NOL10: variants seen among roughly 807,000 people sequenced by gnomAD.
NOL10 encodes H_NH0074G24.1.
In NOL10, 58 loss-of-function variants were observed where a neutral mutation model predicts 103.5. The ratio of observed to expected loss-of-function variants is 0.56; its 90% CI spans 0.45 to 0.70. The LOEUF is 0.70. Ranked by LOEUF, NOL10 falls within the 30% of genes least tolerant of loss-of-function variation. The pLI is 0.00. For synonymous variants in NOL10, 287 were observed against 282.5 expected (o/e 1.02, Z -0.16); for missense variants, 763 against 807.3 (o/e 0.95, Z 0.67).
intron 19 of NOL10, among the ~76,000 whole-genome samples, chr2:10,584,666 C>T (rs1190417211): frequency 6.6e-6 from 1 of 152,156 alleles, no homozygotes; most frequent in Non-Finnish European, 1.5e-5. Context: ...TCACCAAATA[C>T]TCATGTAAAT....
At chr2:10,632,087 A>C (rs1466205412) in intron 13 of NOL10, among the ~76,000 whole-genome samples, 3 of 152,212 alleles carry the variant, frequency 2.0e-5, no homozygotes, top group African/African-American at 7.2e-5. Context: ...CAAAGTACAC[A>C]ACCATTATCA....
chr2:10,670,517 C>G (rs1168508117), intron 6 of NOL10, among the ~76,000 whole-genome samples: 1 of 152,042 alleles, frequency 6.6e-6, no homozygotes, highest in African/African-American at 2.4e-5. Flanking sequence ...GGTGGATCAC[C>G]TGAGGTCAGG....
chr2:10,616,600 G>A (rs1432704887), intron 13 of NOL10, among the ~76,000 whole-genome samples: 1 of 151,444 alleles, frequency 6.6e-6, no homozygotes, highest in Non-Finnish European at 1.5e-5. Context: ...CCAGACTAGA[G>A]TGCAGTGGTG....
At chr2:10,665,967 T>C (rs949620457) in intron 8 of NOL10, among the ~76,000 whole-genome samples, 2 of 152,198 alleles carry the variant, frequency 1.3e-5, no homozygotes, top group Admixed American at 1.3e-4. Context: ...AGGTTTGCAG[T>C]GTGACTGATC....
At position 10,671,587 on chromosome 2, in the gene NOL10, T is replaced by A. The variant is rs142968524; in HGVS notation, c.431A>T (p.Tyr144Phe). 3.8e-5 allele frequency: 61 copies of A among 1,605,862 alleles called. No individual in the cohort carries two copies. The highest frequency in any genetic ancestry group is 4.8e-5 in the Non-Finnish European group (57 of 1,176,114). The part of the protein sequence containing the change: ...PKFGRDFSYH[Y>F]PSCDLYFVGA... ...AACAAAGTACAAGTCACAGGATGGA[T>A]AGTGGTAAGAGAAATCTCTCCCAAA... The change falls in exon 6 of 21, where the codon TAT becomes TTT. Residue 144 changes from tyrosine to phenylalanine, a missense_variant. By Grantham distance (22) the Tyr-to-Phe change is conservative. Coordinates refer to ENST00000381685, the MANE Select transcript of NOL10 (RefSeq NM_024894.4).
In NOL10 at chr2:10,657,876, G is replaced by T; in HGVS notation, c.772C>A (p.Leu258Ile). 1 of 1,532,036 alleles carries T rather than the reference G, an allele frequency of 6.5e-7. No individual in the cohort carries two copies. The highest frequency in any genetic ancestry group is 8.8e-7 in the Non-Finnish European group (1 of 1,140,156). 94.9% of individuals were successfully genotyped at this position (1,532,036 alleles called of 1,614,324 possible). ...TTTGQVLLYD[L>I]RSDKPLLVKD... ...ACTAGCAATGGCTTATCAGATCGAA[G>T]GTCATATAATAAAACCTGAAAAAAA... The change falls in exon 11 of 21, where the codon CTT becomes ATT. Residue 258 changes from leucine to isoleucine, a missense_variant. Transcript: ENST00000381685.
intron 19 of NOL10, among the ~76,000 whole-genome samples, chr2:10,587,142 T>TATATACAC (rs1675113939): frequency 2.5e-5 from 1 of 40,340 alleles, no homozygotes; most frequent in African/African-American, 1.2e-4. Context: ...TATATACACA[T>TATATACAC]ATATATACAT....
intron 19 of NOL10, among the ~76,000 whole-genome samples, chr2:10,580,857 G>A (rs1360960421): frequency 6.6e-6 from 1 of 152,020 alleles, no homozygotes; most frequent in Non-Finnish European, 1.5e-5. Context: ...ATGTGCTTCA[G>A]GACAAAATTG....
intron 13 of NOL10, among the ~76,000 whole-genome samples, chr2:10,628,870 C>T (rs574595276): frequency 3.9e-5 from 6 of 152,264 alleles, no homozygotes; most frequent in African/African-American, 1.4e-4. Context: ...TCAATTCTCC[C>T]AACAACGATC....
rs1373823531 is a variant in NOL10 at position 10,657,872 on chromosome 2, C to G, written c.776G>C (p.Arg259Pro). ...TTGQVLLYDLRSDKPLLVKDH... is the reference protein window; with the variant it reads ...TTGQVLLYDLPSDKPLLVKDH... Reference sequence around the variant, plus strand: ...TTTAACTAGCAATGGCTTATCAGATCGAAGGTCATATAATAAAACCTGAAA... The same window carrying G: ...TTTAACTAGCAATGGCTTATCAGATGGAAGGTCATATAATAAAACCTGAAA... The change falls in exon 11 of 21, where the codon CGA becomes CCA. Residue 259 changes from arginine (R) to proline (P), a missense_variant. Arg to Pro is a moderately radical substitution (Grantham distance 103). Coordinates refer to ENST00000381685, the MANE Select transcript of NOL10 (RefSeq NM_024894.4). 1.3e-6 allele frequency: 2 copies of G among 1,536,394 alleles called. No individual in the cohort carries two copies. Among genetic ancestry groups the G allele is most frequent in the Admixed American group, 2.1e-5 (1 of 47,826 alleles).
At chr2:10,660,618 C>G (rs1289338758) in intron 9 of NOL10, among the ~76,000 whole-genome samples, 1 of 151,926 alleles carries the variant, frequency 6.6e-6, no homozygotes, top group Admixed American at 6.6e-5. Flanking sequence ...ACACCTGGCC[C>G]ATATATGTTC....
chr2:10,593,419 G>C (rs10183883), intron 17 of NOL10, among the ~76,000 whole-genome samples: 52,018 of 151,734 alleles, frequency 0.34, 9,283 homozygotes, highest in Non-Finnish European at 0.4. Flanking sequence ...TTACAGGCGT[G>C]AGCCACTGCA....
intron 13 of NOL10, among the ~76,000 whole-genome samples, chr2:10,637,457 C>T (rs1175637772): frequency 1.3e-5 from 2 of 152,304 alleles, no homozygotes; most frequent in African/African-American, 4.8e-5. Context: ...GCCATCTTTA[C>T]AGGTGCAGGA....
intron 4 of NOL10, among the ~76,000 whole-genome samples, 192 bp from the exon 5 acceptor site, chr2:10,673,749 T>C (rs539825795): frequency 6.6e-6 from 1 of 152,294 alleles, no homozygotes; most frequent in Non-Finnish European, 1.5e-5. Flanking sequence ...AAAAGCCTCA[T>C]AATTTCTCAA....
chr2:10,658,229 AC>A (rs1469329260), intron 10 of NOL10, among the ~76,000 whole-genome samples: 1 of 152,242 alleles, frequency 6.6e-6, no homozygotes, highest in Non-Finnish European at 1.5e-5. Context: ...ACAGATATAA[AC>A]AAAAATGAAA....
At chr2:10,684,774 A>G (rs993955238) in intron 1 of NOL10, among the ~76,000 whole-genome samples, 162 bp from the exon 2 acceptor site, 1 of 152,266 alleles carries the variant, frequency 6.6e-6, no homozygotes, top group African/African-American at 2.4e-5. Flanking sequence ...CTCGTAACGT[A>G]TTAAATATCT....
At chr2:10,623,346 G>A (rs1248658379) in intron 13 of NOL10, among the ~76,000 whole-genome samples, 3 of 152,174 alleles carry the variant, frequency 2.0e-5, no homozygotes, top group Admixed American at 6.5e-5. Context: ...CAGACTGAAC[G>A]GACCGGGGCT....
At chr2:10,663,999 G>GT (rs1680399562) in intron 8 of NOL10, among the ~76,000 whole-genome samples, 1 of 151,296 alleles carries the variant, frequency 6.6e-6, no homozygotes, top group East Asian at 1.9e-4. Context: ...GCGCATGCCC[G>GT]TAATCCCACA....
intron 20 of NOL10, among the ~76,000 whole-genome samples, chr2:10,574,309 A>G (rs895767901): frequency 2.7e-5 from 4 of 149,826 alleles, no homozygotes; most frequent in Non-Finnish European, 4.4e-5. Context: ...CAGTTACTCA[A>G]TATTTCGATT....
Sources: allele counts gnomAD v4.1 joint callset (sites outside exome capture counted in the v4.1 genomes callset), GRCh38; gene constraint gnomAD v4.1.1; transcripts MANE v1.5; gene names NCBI Gene and HGNC (gene_info 2026-07-23, HGNC 2026-07-21).